The following BPGM variants were observed in gnomAD, a reference collection of about 807,000 sequenced individuals.
The protein encoded by BPGM is 2,3-bisphosphoglycerate mutase, erythrocyte.
In BPGM, 15 loss-of-function variants were observed where a neutral mutation model predicts 21.6. That is an observed-to-expected ratio of 0.70 (90% CI 0.47 to 1.07). The LOEUF (loss-of-function observed/expected upper bound fraction) is 1.07. Ranked by LOEUF, BPGM falls within the 50% of genes least tolerant of loss-of-function variation. The pLI, the probability that BPGM is intolerant of heterozygous loss-of-function variation, is 0.00. For synonymous variants in BPGM, 113 were observed against 116.2 expected, an observed-to-expected ratio of 0.97 and a Z score of 0.18; for missense variants, 273 against 319.0, an observed-to-expected ratio of 0.86 and a Z score of 1.10.
chr7:134,654,807 A>G (rs1585853173), intron 1 of BPGM, among the ~76,000 whole-genome samples: 1 of 152,264 alleles, frequency 6.6e-6, no homozygotes, highest in Admixed American at 6.5e-5. Flanking sequence ...GAAGTAACTA[A>G]CCTGTAGTCT....
In BPGM at chr7:134,678,931, G is replaced by A. The variant is rs150210568; in HGVS notation, c.680G>A (p.Arg227His). The change falls in exon 3 of 3, where the codon CGT (arginine) becomes CAT (histidine). Residue 227 changes from arginine (R) to histidine (H), a missense_variant. Physicochemically the swap from Arg to His is conservative, Grantham distance 29. Transcript: ENST00000344924. ...CTTCTGGAATTGGATGAAAACCTGC[G>A]TGCTGTTGGGCCTCATCAGTTCCTG... ...PILLELDENL[R>H]AVGPHQFLGD... 95 of 1,613,978 alleles carry A rather than the reference G, an allele frequency of 5.9e-5. No homozygotes were observed. The highest frequency in any genetic ancestry group is 3.3e-4 in the Admixed American group (20 of 60,020).
chr7:134,655,007 C>G (rs1037052522), intron 1 of BPGM, among the ~76,000 whole-genome samples: 2 of 152,108 alleles, frequency 1.3e-5, no homozygotes, highest in African/African-American at 4.8e-5. Context: ...AAGGAAGACA[C>G]CCTGGGGGAT....
chr7:134,671,235 C>T (rs1019704824), intron 2 of BPGM, among the ~76,000 whole-genome samples: 1 of 152,166 alleles, frequency 6.6e-6, no homozygotes, highest in African/African-American at 2.4e-5. Flanking sequence ...GAATGAGACA[C>T]ACAAGGTCCT....
intron 1 of BPGM, among the ~76,000 whole-genome samples, chr7:134,657,155 G>A (rs757053696): frequency 6.6e-6 from 1 of 152,194 alleles, no homozygotes; most frequent in Non-Finnish European, 1.5e-5. Flanking sequence ...GTGGCTTGTA[G>A]AAAATTTAAA....
chr7:134,673,679 G>GT (rs750773805), intron 2 of BPGM, among the ~76,000 whole-genome samples: 1 of 152,174 alleles, frequency 6.6e-6, no homozygotes, highest in Non-Finnish European at 1.5e-5. Flanking sequence ...AACACTGGAT[G>GT]GCATCAGCAG....
intron 1 of BPGM, among the ~76,000 whole-genome samples, chr7:134,655,598 A>G (rs933372136): frequency 6.6e-6 from 1 of 152,242 alleles, no homozygotes; most frequent in Non-Finnish European, 1.5e-5. Flanking sequence ...CTTATAGTAC[A>G]AAAGTACAAA....
At position 134,661,658 on chromosome 7, in the gene BPGM, G is replaced by T; in HGVS notation, c.151G>T (p.Glu51Ter). 6.2e-7 allele frequency: 1 copy of T among 1,614,114 alleles called. No homozygotes were observed. The highest frequency in any genetic ancestry group is 8.5e-7 in the Non-Finnish European group (1 of 1,179,988). Residue 51 changes from glutamate to a stop codon, truncating the protein, a stop_gained, in exon 2 of 3, where the codon GAG becomes TAG. Coordinates refer to ENST00000344924, the MANE Select transcript of BPGM (RefSeq NM_001724.5). LOFTEE classifies it high-confidence loss of function. The surrounding 1 kb of genome is among the most constrained non-coding windows in gnomAD (Gnocchi z 4.6). ...CGKQLKALNF[E>*]FDLVFTSVLN... is the part of the protein sequence containing the mutation. ...GAAGCAACTCAAAGCGTTAAACTTT[G>T]AGTTTGATCTTGTATTCACATCTGT...
Position 134,651,375 on chromosome 7 carries a change from G to A in BPGM, c.-62+4438G>A, listed in dbSNP as rs552434766. On this transcript the variant is annotated intron_variant, in intron 1 of 2. Transcript: ENST00000344924. ...TTAGGCATTATTAACTTTCAAACAC[G>A]TGAGGAAGGGAGGAAGCAAAGTCCC... Among the ~76,000 whole-genome samples the A allele has an allele frequency of 1.3e-4, 20 of 152,236 alleles. No homozygotes were observed. In the South Asian group the frequency reaches 3.7e-3, roughly 28 times the overall value.
chr7:134,674,317 G>A (rs1028242705), intron 2 of BPGM, among the ~76,000 whole-genome samples: 2 of 152,126 alleles, frequency 1.3e-5, no homozygotes, highest in Admixed American at 6.5e-5. Flanking sequence ...TCACAAAATT[G>A]TAAATCCATT....
intron 2 of BPGM, among the ~76,000 whole-genome samples, chr7:134,665,016 T>C (rs73441908): frequency 0.012 from 1,823 of 152,296 alleles, 25 homozygotes; most frequent in East Asian, 0.079. Flanking sequence ...CTAAAATTGA[T>C]TGTAGTGAGG....
intron 1 of BPGM, among the ~76,000 whole-genome samples, chr7:134,648,821 AAGC>A (rs1795511357): frequency 6.6e-6 from 1 of 152,162 alleles, no homozygotes; most frequent in African/African-American, 2.4e-5. Context: ...CATCTTTAGA[AAGC>A]AGATGTTGCA....
intron 2 of BPGM, 125 bp downstream of exon 2, chr7:134,662,233 A>T (rs1795748136): frequency 9.9e-6 from 13 of 1,313,644 alleles, no homozygotes; most frequent in Non-Finnish European, 1.4e-5. Context: ...GTCACTTCAG[A>T]TTTAAGAATT....
At chr7:134,676,446 T>C (rs1016980807) in intron 2 of BPGM, among the ~76,000 whole-genome samples, 1 of 152,240 alleles carries the variant, frequency 6.6e-6, no homozygotes, top group Non-Finnish European at 1.5e-5. Context: ...TGGAGAAATC[T>C]ATAAAATCCA....
intron 2 of BPGM, among the ~76,000 whole-genome samples, chr7:134,667,554 G>A (rs1795839108): frequency 6.6e-6 from 1 of 152,140 alleles, no homozygotes; most frequent in African/African-American, 2.4e-5. Flanking sequence ...AAATAAAAAC[G>A]TAAAAATGAA....
intron 2 of BPGM, among the ~76,000 whole-genome samples, chr7:134,675,290 T>A (rs547051376): frequency 5.1e-4 from 78 of 152,286 alleles, no homozygotes; most frequent in African/African-American, 1.9e-3. Context: ...TTGTGTATGC[T>A]TTTGGTGTCA....
At chr7:134,665,853 G>C (rs1376186978) in intron 2 of BPGM, among the ~76,000 whole-genome samples, 1 of 147,806 alleles carries the variant, frequency 6.8e-6, no homozygotes, top group Non-Finnish European at 1.5e-5. Context: ...TTTTCTTTTA[G>C]AGATTAATGA....
chr7:134,678,625 C>T (rs369934881), intron 2 of BPGM, among the ~76,000 whole-genome samples: 1 of 152,128 alleles, frequency 6.6e-6, no homozygotes, highest in East Asian at 1.9e-4. Context: ...ACAGATTGTC[C>T]CAAAAGGTAT....
intron 1 of BPGM, among the ~76,000 whole-genome samples, chr7:134,654,644 C>T (rs1362516975): frequency 6.6e-6 from 1 of 152,104 alleles, no homozygotes. Flanking sequence ...AGTACTCTTA[C>T]AGGTAGGTAA....
At chr7:134,665,190 G>C (rs1045852030) in intron 2 of BPGM, among the ~76,000 whole-genome samples, 1 of 152,044 alleles carries the variant, frequency 6.6e-6, no homozygotes, top group African/African-American at 2.4e-5. Flanking sequence ...GCAAACATAC[G>C]GAAGTGATAA....
Sources: allele counts gnomAD v4.1 joint callset (sites outside exome capture counted in the v4.1 genomes callset), GRCh38; gene constraint gnomAD v4.1.1; non-coding constraint Gnocchi (gnomAD v3.1); transcripts MANE v1.5; gene names NCBI Gene and HGNC (gene_info 2026-07-23, HGNC 2026-07-21).